Variants in CARS2 observed in about 807,000 individuals in gnomAD.
CARS2 encodes the protein probable cysteine--tRNA ligase, mitochondrial.
In CARS2, 52 loss-of-function variants were observed where a neutral mutation model predicts 68.8. That is an observed-to-expected ratio of 0.76 (90% CI 0.61 to 0.95). The LOEUF is 0.95. CARS2 is among the 40% of genes least tolerant of loss of function. The pLI, the probability that CARS2 is intolerant of heterozygous loss-of-function variation, is 0.00. For synonymous variants in CARS2, 314 were observed against 303.6 expected, an observed-to-expected ratio of 1.03 and a Z score of -0.36; for missense variants, 780 against 754.2, an observed-to-expected ratio of 1.03 and a Z score of -0.40.
chr13:110,664,498 C>G, intron 8 of CARS2: 1 of 696,748 alleles, frequency 1.4e-6, no homozygotes, highest in Non-Finnish European at 1.8e-6. Context: ...GCCTGGGCCA[C>G]AGAGCGAGAC....
At chr13:110,702,329 G>A (rs2063810635) in intron 2 of CARS2, among the ~76,000 whole-genome samples, 1 of 152,058 alleles carries the variant, frequency 6.6e-6, no homozygotes, top group Non-Finnish European at 1.5e-5. Flanking sequence ...TGATTCCAGG[G>A]ACAAAACTAT....
intron 9 of CARS2, among the ~76,000 whole-genome samples, chr13:110,655,721 C>G (rs2062348345): frequency 6.6e-6 from 1 of 152,202 alleles, no homozygotes. Context: ...AGTTTTCAAA[C>G]TTTCTGAAAT....
chr13:110,664,504 G>C (rs1046285406), intron 8 of CARS2: 2 of 742,284 alleles, frequency 2.7e-6, no homozygotes, highest in Non-Finnish European at 3.3e-6. Flanking sequence ...GCCACAGAGC[G>C]AGACTCTGCC....
At chr13:110,644,581 C>T in intron 12 of CARS2, 98 bp from the exon 13 acceptor site, 1 of 1,546,596 alleles carries the variant, frequency 6.5e-7, no homozygotes, top group Non-Finnish European at 8.7e-7. Flanking sequence ...CAGCAGGTCA[C>T]TTCAGTCTGG....
chr13:110,652,493 C>T (rs962028281), intron 9 of CARS2, among the ~76,000 whole-genome samples: 2 of 152,042 alleles, frequency 1.3e-5, no homozygotes, highest in Non-Finnish European at 2.9e-5. Flanking sequence ...CAGGCTTCAG[C>T]GGCCTCGCCC....
In CARS2 at chr13:110,701,437, CCTCATTGG is replaced by C. The variant is rs755040171; in HGVS notation, c.386_393del (p.Ala129AspfsTer13). 3.2e-6 allele frequency: 4 copies of C among 1,267,778 alleles called. No homozygotes were observed. The South Asian group carries it at 3.6e-5, about 11-fold the overall frequency. The allele number at this position is 1,267,778 out of a possible 1,614,324, so 78.5% of individuals were successfully genotyped here. On this transcript the variant is annotated frameshift_variant and splice_region_variant, in exon 3 of 15. Coordinates refer to ENST00000257347, the MANE Select transcript of CARS2 (RefSeq NM_024537.4). LOFTEE classifies it high-confidence loss of function. ...AATAGATGTAACTCTTCTCCACTTA[CCTCATTGG>C]CTCTTTTGATGATTTTATCATCTAC...
rs2062947829 is a variant in CARS2 at position 110,676,298 on chromosome 13, C to T, written c.785+676G>A. On this transcript the variant is annotated intron_variant, in intron 7 of 14. Transcript: ENST00000257347. This position sits in a 1 kb window ranked among gnomAD's most constrained non-coding sequence, Gnocchi z 4.0. ...GGGCAGAGCCACAGGGTGTGGACAC[C>T]TCAGGTGCGTCCAAGGGGACCAGGG... Among the ~76,000 whole-genome samples the T allele has an allele frequency of 6.6e-6, 1 of 152,226 alleles. No homozygotes were observed. Among genetic ancestry groups the T allele is most frequent in the African/African-American group, 2.4e-5 (1 of 41,466 alleles).
intron 1 of CARS2, chr13:110,712,486 A>G (rs1329043071): frequency 4.1e-6 from 1 of 245,240 alleles, no homozygotes; most frequent in Non-Finnish European, 8.2e-6. Context: ...GAAGTGCACA[A>G]AGGCACGAGG....
At chr13:110,683,841 A>AC (rs1039187120) in intron 5 of CARS2, among the ~76,000 whole-genome samples, 3 of 152,138 alleles carry the variant, frequency 2.0e-5, no homozygotes, top group Non-Finnish European at 2.9e-5. Context: ...ACATAGTGAG[A>AC]CCCCATCTCT....
intron 2 of CARS2, among the ~76,000 whole-genome samples, chr13:110,703,998 C>A (rs748331254): frequency 6.6e-6 from 1 of 152,240 alleles, no homozygotes; most frequent in Non-Finnish European, 1.5e-5. Context: ...AGAGAATTCC[C>A]TCTACCTTCT....
chr13:110,705,408 A>G lies in CARS2; in HGVS notation c.275+113T>C. On this transcript the variant is annotated intron_variant, in intron 2 of 14. Coordinates refer to ENST00000257347, the MANE Select transcript of CARS2 (RefSeq NM_024537.4). The surrounding 1 kb of genome is among the most constrained non-coding windows in gnomAD (Gnocchi z 4.0). Reference sequence around the variant, plus strand: ...ACATTTCCCACAATGCCTGGAATGTAGGAATTATTCTGCATCCCTAAGTTG... The same window carrying G: ...ACATTTCCCACAATGCCTGGAATGTGGGAATTATTCTGCATCCCTAAGTTG... 1.4e-6 allele frequency: 1 copy of G among 709,066 alleles called. No homozygotes were observed. The allele number at this position is 709,066 out of a possible 1,614,324, so 43.9% of individuals were successfully genotyped here. A position where few individuals can be genotyped will look rare whatever the true frequency, so the allele number is the denominator to read the frequency against.
At chr13:110,677,153 C>T in intron 6 of CARS2, 50 bp from the exon 7 acceptor site, 2 of 1,541,842 alleles carry the variant, frequency 1.3e-6, no homozygotes, top group Non-Finnish European at 1.8e-6. Context: ...GTCACCCCAC[C>T]ACGGATGCTC....
chr13:110,645,825 G>C (rs974098693), intron 12 of CARS2, 142 bp downstream of exon 12: 11 of 1,124,602 alleles, frequency 9.8e-6, no homozygotes, highest in Non-Finnish European at 1.4e-5. Flanking sequence ...CGGCAGACTC[G>C]GGCTCCATGA....
intron 3 of CARS2, among the ~76,000 whole-genome samples, chr13:110,696,600 CATT>C (rs1200945216): frequency 6.6e-6 from 1 of 152,152 alleles, no homozygotes; most frequent in African/African-American, 2.4e-5. Context: ...TGAAGTCAGA[CATT>C]ATTTTGAGGA....
At chr13:110,708,076 CTGAG>C (rs911496428), upstream of CARS2, among the ~76,000 whole-genome samples, 6 of 152,146 alleles carry the variant, frequency 3.9e-5, no homozygotes, top group African/African-American at 9.6e-5. Flanking sequence ...ATTTATCTCC[CTGAG>C]TATCTTAAAT....
At chr13:110,683,394 G>C (rs2063210661) in intron 5 of CARS2, among the ~76,000 whole-genome samples, 1 of 152,122 alleles carries the variant, frequency 6.6e-6, no homozygotes, top group African/African-American at 2.4e-5. Context: ...CAGTAGGTGG[G>C]GCTATAGGAG....
At position 110,705,992 on chromosome 13, in the gene CARS2, C is replaced by T; in HGVS notation, c.102G>A (p.Ala34=). The change falls in exon 1 of 15, where the codon GCG becomes GCA. Residue 34 remains alanine, a synonymous_variant. Coordinates refer to ENST00000257347, the MANE Select transcript of CARS2 (RefSeq NM_024537.4). This position sits in a 1 kb window ranked among gnomAD's most constrained non-coding sequence, Gnocchi z 4.0. ...GCCAGGCCCGCCCGCGCCCCCCGCTCGCCGCCCGGCCCGCAGGCCAGTGCC... is the reference window on the plus strand; with the variant it reads ...GCCAGGCCCGCCCGCGCCCCCCGCTTGCCGCCCGGCCCGCAGGCCAGTGCC... ...AGWHWPAGRA[A]SGGRGRAWLQ... is the part of the protein sequence containing the mutation. 1 of 1,501,602 alleles carries T rather than the reference C, an allele frequency of 6.7e-7. No homozygotes were observed. The highest frequency in any genetic ancestry group is 1.3e-5 in the South Asian group (1 of 79,756). 93.0% of individuals were successfully genotyped at this position (1,501,602 alleles called of 1,614,324 possible). A position where few individuals can be genotyped will look rare whatever the true frequency, so the allele number is the denominator to read the frequency against.
At chr13:110,645,753 C>T (rs1888021187) in intron 12 of CARS2, 1 of 506,890 alleles carries the variant, frequency 2.0e-6, no homozygotes, top group Non-Finnish European at 3.4e-6. Flanking sequence ...GAGCTTGTTC[C>T]CCAGGTGGCC....
intron 7 of CARS2, among the ~76,000 whole-genome samples, chr13:110,673,532 C>A (rs1401115371): frequency 6.6e-6 from 1 of 152,172 alleles, no homozygotes; most frequent in Non-Finnish European, 1.5e-5. Flanking sequence ...GCTAAAAAGT[C>A]TCAATAAACT....
Sources: allele counts gnomAD v4.1 joint callset (sites outside exome capture counted in the v4.1 genomes callset), GRCh38; gene constraint gnomAD v4.1.1; non-coding constraint Gnocchi (gnomAD v3.1); transcripts MANE v1.5; gene names NCBI Gene and HGNC (gene_info 2026-07-23, HGNC 2026-07-21).